TLE5: variants seen among roughly 807,000 people sequenced by gnomAD.
The protein encoded by TLE5 is TLE family member 5.
TLE5 carries 7 observed loss-of-function variants against 25.8 expected under a neutral mutation model. The observed-to-expected ratio is 0.27, with a 90% CI of 0.15 to 0.51. The LOEUF is 0.51. Among genes scored for constraint, TLE5 ranks in the 20% least tolerant of loss-of-function variants. The pLI is 0.97. For synonymous variants in TLE5, 132 were observed against 110.5 expected (o/e 1.20, Z -1.22); for missense variants, 149 against 250.7 (o/e 0.59, Z 2.74).
chr19:3,054,223 C>T lies in TLE5; in HGVS notation c.298-29G>A, dbSNP rs200214397. 2.1e-5 allele frequency: 34 copies of T among 1,599,720 alleles called. No homozygotes were observed. In the African/African-American group the frequency reaches 4.3e-4, roughly 20 times the overall value. On this transcript the variant is annotated intron_variant, in intron 5 of 6. Transcript: ENST00000327141. ...GAAGGGGGTCGGGGGAGAGGAGAGG[C>T]AGTGATTCCTCCTGATCCTGGGAGA...
intron 1 of TLE5, among the ~76,000 whole-genome samples, chr19:3,061,890 GGGGGGGGGCGCCAAGCCGGGAGCTGCGGC>G (rs1568267021): frequency 6.9e-6 from 1 of 145,468 alleles, no homozygotes; most frequent in Non-Finnish European, 1.5e-5. Flanking sequence ...GCGGGTTGGG[GGGGGGGGGCGCCAAGCCGGGAGCTGCGGC>G]GGGGGGGCTC....
chr19:3,053,856 T>G lies in TLE5; in HGVS notation c.557A>C (p.Asp186Ala). The change falls in exon 7 of 7, where the codon GAC (aspartate) becomes GCC (alanine). Residue 186 changes from aspartate (D) to alanine (A), a missense_variant. Physicochemically the swap from Asp to Ala is moderately radical, Grantham distance 126. Transcript: ENST00000327141. ...CTCGCCATCATCCTCCTGGTGGGTGTCACCATCGTGCCCGTTCTTGTCTTC... is the reference window on the plus strand; with the variant it reads ...CTCGCCATCATCCTCCTGGTGGGTGGCACCATCGTGCCCGTTCTTGTCTTC... ...SKEDKNGHDG[D>A]THQEDDGEKS... The G allele has an allele frequency of 6.2e-7, 1 of 1,613,328 alleles. No homozygotes were observed. The highest frequency in any genetic ancestry group is 8.5e-7 in the Non-Finnish European group (1 of 1,180,010).
intron 2 of TLE5, 41 bp downstream of exon 2, chr19:3,061,119 C>T: frequency 6.7e-7 from 1 of 1,483,742 alleles, no homozygotes; most frequent in Non-Finnish European, 9.4e-7. Context: ...TGGGGGGACT[C>T]ACATTCTCGG....
intron 2 of TLE5, 82 bp downstream of exon 2, chr19:3,061,078 G>A (rs2090262033): frequency 3.9e-6 from 4 of 1,014,142 alleles, no homozygotes; most frequent in Non-Finnish European, 4.7e-6. Context: ...CCAATCTCCA[G>A]GCCTCAGCCT....
intron 4 of TLE5, 37 bp from the exon 5 acceptor site, chr19:3,055,763 C>A (rs369543849): frequency 6.4e-7 from 1 of 1,571,096 alleles, no homozygotes. Flanking sequence ...CAGTCCTGGG[C>A]GGGTGGCAGG....
chr19:3,062,840 G>A, upstream of TLE5: 1 of 1,540,294 alleles, frequency 6.5e-7, no homozygotes, highest in Non-Finnish European at 8.8e-7. Flanking sequence ...CTGGCTGGGC[G>A]GTGGTTCTTG....
At chr19:3,062,538 G>A, upstream of TLE5, 2 of 704,386 alleles carry the variant, frequency 2.8e-6, no homozygotes, top group Non-Finnish European at 3.5e-6. Flanking sequence ...TCCACCTGCC[G>A]CCGCCCGTGC....
chr19:3,060,852 C>G lies in TLE5; in HGVS notation c.125+308G>C, dbSNP rs75466989. ...GGGTTGAGGGATGGCGAGTCCGTGC[C>G]GTAACTCCAATTGTTGGAAGGTCTT... On this transcript the variant is annotated intron_variant, in intron 2 of 6. Transcript: ENST00000327141. 6.0e-3 allele frequency: 1,163 copies of G among 193,982 alleles called. 14 individuals carry two copies. Among genetic ancestry groups the G allele is most frequent in the African/African-American group, 0.026 (1,099 of 43,000 alleles). 12.0% of individuals were successfully genotyped at this position (193,982 alleles called of 1,614,324 possible).
chr19:3,059,925 C>T (rs565922315), intron 2 of TLE5, among the ~76,000 whole-genome samples: 10 of 152,148 alleles, frequency 6.6e-5, no homozygotes, highest in African/African-American at 1.4e-4. Context: ...AGAATGGGTA[C>T]GACAGTCGGA....
chr19:3,061,671 T>G (rs2090269748), intron 1 of TLE5, among the ~76,000 whole-genome samples: 1 of 150,282 alleles, frequency 6.7e-6, no homozygotes, highest in African/African-American at 2.5e-5. Context: ...GGGAGGGGTC[T>G]CTCTCTCGGT....
chr19:3,055,880 CG>C (rs1181942892), intron 4 of TLE5, 154 bp from the exon 5 acceptor site: 3 of 751,870 alleles, frequency 4.0e-6, no homozygotes, highest in Non-Finnish European at 4.1e-6. Flanking sequence ...AAGCCGTGTT[CG>C]GGCCCGAGGG....
chr19:3,062,602 C>A, upstream of TLE5: 4 of 1,043,162 alleles, frequency 3.8e-6, no homozygotes, highest in Non-Finnish European at 4.6e-6. Flanking sequence ...GCCTGCGGAT[C>A]CCCACGCCGG....
chr19:3,060,643 T>C, intron 2 of TLE5, among the ~76,000 whole-genome samples: 1 of 152,154 alleles, frequency 6.6e-6, no homozygotes, highest in East Asian at 1.9e-4. Flanking sequence ...GGGCTTAAGT[T>C]TCTTTAAGTG....
chr19:3,056,026 T>C, intron 4 of TLE5: 1 of 515,500 alleles, frequency 1.9e-6, no homozygotes, highest in Non-Finnish European at 3.4e-6. Context: ...TAGTAAGCGC[T>C]TGTGCGAATG....
rs542954631 is a variant in TLE5, at chr19:3,061,877, C to T, written c.27+297G>A. Reference sequence around the variant, plus strand: ...AAGGCCGTCCGAGGCCCTGACTGTCCCGGCGGGTTGGGGGGGGGGGGCGCC... The same window carrying T: ...AAGGCCGTCCGAGGCCCTGACTGTCTCGGCGGGTTGGGGGGGGGGGGCGCC... On this transcript the variant is annotated intron_variant, in intron 1 of 6. Coordinates refer to ENST00000327141, the MANE Select transcript of TLE5 (RefSeq NM_001130.6). 9.8e-3 allele frequency among the ~76,000 whole-genome samples: 432 copies of T among 43,894 alleles called. 1 individual carries two copies. The highest frequency in any genetic ancestry group is 0.023 in the Non-Finnish European group (343 of 15,178). 28.8% of individuals were successfully genotyped at this position (43,894 alleles called of 152,430 possible). A position where few individuals can be genotyped will look rare whatever the true frequency, so the allele number is the denominator to read the frequency against.
chr19:3,061,070 A>G, intron 2 of TLE5, 90 bp downstream of exon 2: 1 of 943,232 alleles, frequency 1.1e-6, no homozygotes, highest in South Asian at 1.3e-5. Flanking sequence ...TTATTTTCCC[A>G]ATCTCCAGGC....
intron 2 of TLE5, 44 bp downstream of exon 2, chr19:3,061,116 A>G: frequency 2.8e-6 from 4 of 1,427,022 alleles, no homozygotes; most frequent in Middle Eastern, 3.5e-4. Flanking sequence ...AAATGGGGGG[A>G]CTCACATTCT....
At chr19:3,061,891 G>GGA (rs920514679) in intron 1 of TLE5, among the ~76,000 whole-genome samples, 1 of 145,550 alleles carries the variant, frequency 6.9e-6, no homozygotes, top group Non-Finnish European at 1.5e-5. Context: ...CGGGTTGGGG[G>GGA]GGGGGGGCGC....
Position 3,056,831 on chromosome 19 carries a change from C to G in TLE5, c.190-475G>C, listed in dbSNP as rs138412016. On this transcript the variant is annotated intron_variant, in intron 3 of 6. Coordinates refer to ENST00000327141, the MANE Select transcript of TLE5 (RefSeq NM_001130.6). ...CCAAGCCCCAGATCTCACCCTGCCC[C>G]TCCCCTGCTCTAAACCCTCCCATGG... 83 of 238,646 alleles carry G rather than the reference C, an allele frequency of 3.5e-4. No homozygotes were observed. The Middle Eastern group carries it at 5.0e-3, about 14-fold the overall frequency. The allele number at this position is 238,646 out of a possible 1,614,324, so 14.8% of individuals were successfully genotyped here.
Sources: allele counts gnomAD v4.1 joint callset (sites outside exome capture counted in the v4.1 genomes callset), GRCh38; gene constraint gnomAD v4.1.1; transcripts MANE v1.5; gene names NCBI Gene and HGNC (gene_info 2026-07-23, HGNC 2026-07-21).